ITGB5: variants seen among roughly 807,000 people sequenced by gnomAD.
ITGB5 encodes integrin subunit beta 5, also known as integrin beta-5.
A neutral mutation model predicts 84.8 loss-of-function variants in ITGB5; 38 were observed. The observed-to-expected ratio is 0.45, with a 90% confidence interval of 0.35 to 0.59. The LOEUF is 0.59. ITGB5 is among the 20% of genes least tolerant of loss of function. ITGB5 has a pLI of 0.01. For synonymous variants in ITGB5, 393 were observed against 414.4 expected, an observed-to-expected ratio of 0.95 and a Z score of 0.63; for missense variants, 905 against 1,034.5, an observed-to-expected ratio of 0.87 and a Z score of 1.72.
At chr3:124,804,241 G>A (rs770803233) in intron 9 of ITGB5, among the ~76,000 whole-genome samples, 7 of 152,106 alleles carry the variant, frequency 4.6e-5, no homozygotes, top group Admixed American at 2.0e-4. Context: ...AAAAAGAACC[G>A]GGCTGGGCAC....
rs2150961506 is a variant in ITGB5, at chr3:124,792,223, C to A, written c.1693+4165G>T. 2 of 152,156 alleles carry A rather than the reference C, an allele frequency of 1.3e-5. 1 individual carries two copies. Among genetic ancestry groups the A allele is most frequent in the South Asian group, 4.2e-4 (2 of 4,818 alleles). The allele number at this position is 152,156 out of a possible 1,614,324, so 9.4% of individuals were successfully genotyped here. ...CTAAAGTCATTCGACTTCAAGTGCT[C>A]CTTAGGATATAATATTATAGGAAAA... On this transcript the variant is annotated intron_variant, in intron 10 of 14. Coordinates refer to ENST00000296181, the MANE Select transcript of ITGB5 (RefSeq NM_002213.5).
chr3:124,830,364 A>C (rs909518139), intron 5 of ITGB5, among the ~76,000 whole-genome samples: 29 of 152,230 alleles, frequency 1.9e-4, no homozygotes, highest in Non-Finnish European at 2.8e-4. Flanking sequence ...AAGTCAGCTC[A>C]AAGTCAGCTG....
In ITGB5 at chr3:124,769,632, C is replaced by T. The variant is rs138029831; in HGVS notation, c.1917-519G>A. The T allele has an allele frequency of 1.5e-3, 233 of 152,452 alleles. 1 individual carries two copies. Among genetic ancestry groups the T allele is most frequent in the East Asian group, 2.1e-3 (11 of 5,170 alleles). 9.4% of individuals were successfully genotyped at this position (152,452 alleles called of 1,614,324 possible). ...AGAAACTCCCAGTACCTGGGCCCAA[C>T]CACACCTCCGGGGACTGGGCTTCCT... On this transcript the variant is annotated intron_variant, in intron 11 of 14. Coordinates refer to ENST00000296181, the MANE Select transcript of ITGB5 (RefSeq NM_002213.5).
intron 12 of ITGB5, 93 bp from the exon 13 acceptor site, chr3:124,766,438 G>C (rs1266940689): frequency 2.7e-6 from 4 of 1,484,930 alleles, no homozygotes; most frequent in Non-Finnish European, 3.7e-6. Flanking sequence ...CTTGAAAAAG[G>C]AAAGGGCATG....
intron 1 of ITGB5, among the ~76,000 whole-genome samples, chr3:124,874,171 C>T (rs543072962): frequency 3.3e-5 from 5 of 151,412 alleles, no homozygotes; most frequent in Admixed American, 2.0e-4. Flanking sequence ...AGTCTGAAAC[C>T]GACCTAGGCA....
chr3:124,863,552 T>C (rs1346798971), intron 2 of ITGB5, among the ~76,000 whole-genome samples: 1 of 152,204 alleles, frequency 6.6e-6, no homozygotes, highest in Non-Finnish European at 1.5e-5. Context: ...GGAGTCTCAC[T>C]CTGTCACCCA....
At chr3:124,778,879 A>C (rs2063962444) in intron 10 of ITGB5, among the ~76,000 whole-genome samples, 1 of 151,676 alleles carries the variant, frequency 6.6e-6, no homozygotes, top group Non-Finnish European at 1.5e-5. Context: ...CTTAAGTTCC[A>C]ACAGCAGAGG....
intron 9 of ITGB5, among the ~76,000 whole-genome samples, chr3:124,804,231 A>T (rs1301597675): frequency 6.6e-6 from 1 of 152,192 alleles, no homozygotes; most frequent in East Asian, 1.9e-4. Context: ...TTCTTTTTCA[A>T]AAAAGAACCG....
intron 1 of ITGB5, among the ~76,000 whole-genome samples, chr3:124,874,864 T>C (rs1934235258): frequency 6.6e-6 from 1 of 152,110 alleles, no homozygotes; most frequent in Non-Finnish European, 1.5e-5. Context: ...CTCAATATGG[T>C]TTAAAACCTT....
intron 2 of ITGB5, chr3:124,862,502 T>C (rs2065318917): frequency 6.6e-6 from 1 of 152,202 alleles, no homozygotes; most frequent in Non-Finnish European, 1.5e-5. Context: ...TGATGGATAC[T>C]ACCCATCATT....
In ITGB5 at chr3:124,763,676, C is replaced by T. The variant is rs761903378; in HGVS notation, c.2347G>A (p.Val783Met). Residue 783 changes from valine (V) to methionine (M), a missense_variant, in exon 15 of 15, where the codon GTG becomes ATG. Val to Met is a conservative substitution (Grantham distance 21, BLOSUM62 1). Around this residue, in one of 3 missense-constraint regions of ITGB5, gnomAD observed 133 missense variants for 122.8 expected, o/e 1.08. Coordinates refer to ENST00000296181, the MANE Select transcript of ITGB5 (RefSeq NM_002213.5). The part of the protein sequence containing the change: ...LYRKPISTHT[V>M]DFTFNKFNKS... ...TTGAACTTGTTGAAGGTGAAGTCCA[C>T]AGTGTGCGTGGAGATAGGCTTTCTG... The T allele has an allele frequency of 1.2e-6, 2 of 1,610,844 alleles. No individual in the cohort carries two copies. Among genetic ancestry groups the T allele is most frequent in the African/African-American group, 1.3e-5 (1 of 74,912 alleles).
chr3:124,859,302 A>G lies in ITGB5; in HGVS notation c.301T>C (p.Ser101Pro), dbSNP rs2065262961. 6.2e-7 allele frequency: 1 copy of G among 1,614,098 alleles called. No homozygotes were observed. The highest frequency in any genetic ancestry group is 2.2e-5 in the East Asian group (1 of 44,864). The change falls in exon 3 of 15, where the codon TCT becomes CCT. Residue 101 changes from serine to proline, a missense_variant. Physicochemically the swap from Ser to Pro is moderately conservative, Grantham distance 74 (BLOSUM62 -1). Transcript: ENST00000296181. ...ATCTGAATGACGTCCCAGCCTGCAG[A>G]GCCCGAACCCTTGCTGCTGAGGGGC... The part of the protein sequence containing the change: ...SLPLSSKGSG[S>P]AGWDVIQMTP...
chr3:124,826,360 C>T (rs2064784546), intron 5 of ITGB5, among the ~76,000 whole-genome samples: 1 of 152,172 alleles, frequency 6.6e-6, no homozygotes. Flanking sequence ...CGGGTGCCTT[C>T]TGATGAGCAT....
At chr3:124,878,901 T>C (rs1295838456) in intron 1 of ITGB5, among the ~76,000 whole-genome samples, 2 of 152,294 alleles carry the variant, frequency 1.3e-5, no homozygotes, top group Non-Finnish European at 2.9e-5. Context: ...GCCCAGATGA[T>C]AGCCACATCT....
upstream of ITGB5, among the ~76,000 whole-genome samples, chr3:124,892,388 A>C (rs1413152965): frequency 1.3e-5 from 2 of 151,856 alleles, no homozygotes; most frequent in Non-Finnish European, 2.9e-5. Context: ...GGTAAACTTA[A>C]AAATAGTTAA....
upstream of ITGB5, among the ~76,000 whole-genome samples, chr3:124,890,442 T>G (rs1451723931): frequency 2.0e-5 from 3 of 151,922 alleles, no homozygotes; most frequent in East Asian, 1.9e-4. Flanking sequence ...CCTGACCTCA[T>G]GATCCGCCCG....
chr3:124,841,499 G>A lies in ITGB5; in HGVS notation c.664C>T (p.Pro222Ser). ...AAGCTGTCCACTCTGTCTGTGAGAG[G>A]CAGCAGATGGCGGAACCCAAAGGAG... ...VPSFGFRHLLPLTDRVDSFNE... is the reference protein window; with the variant it reads ...VPSFGFRHLLSLTDRVDSFNE... The change falls in exon 5 of 15, where the codon CCT becomes TCT. Residue 222 changes from proline to serine, a missense_variant. This residue lies in a region of ITGB5 where 656 missense variants were observed against 734.7 expected (regional missense o/e 0.89). Transcript: ENST00000296181. 1 of 1,614,204 alleles carries A rather than the reference G, an allele frequency of 6.2e-7. No individual in the cohort carries two copies. The highest frequency in any genetic ancestry group is 8.5e-7 in the Non-Finnish European group (1 of 1,180,014).
rs1249267031 is a variant in ITGB5 at position 124,780,357 on chromosome 3, G to T, written c.1694-6445C>A. Among the ~76,000 whole-genome samples, 15 of 152,206 alleles carry T rather than the reference G, an allele frequency of 9.9e-5. 1 individual carries two copies. Among genetic ancestry groups the T allele is most frequent in the Admixed American group, 9.8e-4 (15 of 15,290 alleles). ...AGCCAGCTTGGGATGGGGCAGAAAT[G>T]AGGAGGGGTTCTCTTCTTCCCATCC... On this transcript the variant is annotated intron_variant, in intron 10 of 14. Transcript: ENST00000296181.
Position 124,764,376 on chromosome 3 carries a change from T to C in ITGB5, c.2304+15A>G, listed in dbSNP as rs749677307. On this transcript the variant is annotated intron_variant, in intron 14 of 14. Coordinates refer to ENST00000296181, the MANE Select transcript of ITGB5 (RefSeq NM_002213.5). ...GCTTGAAGTCTCCTCTGCTTCCCAT[T>C]TCCCACGTGCTTACCATTTCATAGC... The C allele has an allele frequency of 1.1e-5, 18 of 1,592,078 alleles. No individual in the cohort carries two copies. In the South Asian group the frequency reaches 2.0e-4, roughly 18 times the overall value.
Sources: gnomAD v4.1 joint callset for allele counts (sites outside exome capture counted in the v4.1 genomes callset) on GRCh38, gnomAD v4.1.1 for gene constraint, gnomAD v4.1.1 regional missense constraint, MANE v1.5 for transcripts, NCBI Gene and HGNC (gene_info 2026-07-23, HGNC 2026-07-21) for gene names.